The following TXNDC5 variants were observed in gnomAD, a reference collection of about 807,000 sequenced individuals.
TXNDC5 encodes the protein thioredoxin domain containing 5, also known as thioredoxin domain-containing protein 5.
In TXNDC5, 44 loss-of-function variants were observed where a neutral mutation model predicts 52.6. The observed-to-expected ratio is 0.84, with a 90% confidence interval of 0.66 to 1.08. TXNDC5 has a LOEUF of 1.08. Among genes scored for constraint, TXNDC5 ranks in the 50% least tolerant of loss-of-function variants. The pLI, the probability that TXNDC5 is intolerant of heterozygous loss-of-function variation, is 0.00. For missense variants in TXNDC5, 600 were observed against 565.5 expected, an observed-to-expected ratio of 1.06 and a Z score of -0.62; for synonymous variants, 241 against 234.4, an observed-to-expected ratio of 1.03 and a Z score of -0.26.
At chr6:7,887,032 G>A (rs1760006369) in intron 7 of TXNDC5, among the ~76,000 whole-genome samples, 1 of 152,154 alleles carries the variant, frequency 6.6e-6, no homozygotes, top group Non-Finnish European at 1.5e-5. Flanking sequence ...TAACCACCAT[G>A]ACACATACAC....
At chr6:7,898,359 T>C (rs1335428950) in intron 3 of TXNDC5, among the ~76,000 whole-genome samples, 1 of 151,988 alleles carries the variant, frequency 6.6e-6, no homozygotes, top group African/African-American at 2.4e-5. Flanking sequence ...CCCAGCCGAG[T>C]TGAGAGAGTC....
At chr6:7,895,076 C>G (rs1374922005) in intron 4 of TXNDC5, 30 bp downstream of exon 4, 4 of 1,608,406 alleles carry the variant, frequency 2.5e-6, no homozygotes, top group Non-Finnish European at 3.4e-6. Flanking sequence ...TAGTGATTCT[C>G]TGAAGCTGGC....
chr6:7,899,081 C>T (rs531181565), intron 3 of TXNDC5, among the ~76,000 whole-genome samples: 1 of 152,222 alleles, frequency 6.6e-6, no homozygotes, highest in East Asian at 1.9e-4. Flanking sequence ...TGGGAGGAGG[C>T]TCCAGTGCTG....
At chr6:7,910,085 G>A (rs937262029) in intron 1 of TXNDC5, 2 of 985,964 alleles carry the variant, frequency 2.0e-6, no homozygotes, top group African/African-American at 1.7e-5. Context: ...ATTCAGGAGC[G>A]CGGCGCAGGG....
chr6:7,883,119 G>C lies in TXNDC5; in HGVS notation c.*25C>G. 6.2e-7 allele frequency: 1 copy of C among 1,613,988 alleles called. No homozygotes were observed. The highest frequency in any genetic ancestry group is 8.5e-7 in the Non-Finnish European group (1 of 1,179,978). On this transcript the variant is annotated 3_prime_UTR_variant, in exon 10 of 10. Coordinates refer to ENST00000379757, the MANE Select transcript of TXNDC5 (RefSeq NM_030810.5). ...AAACGCAGGGTGCGGGAGCTGGGCAGGAGAGGTGACCTCCAACTGTGTTCC... is the reference window on the plus strand; with the variant it reads ...AAACGCAGGGTGCGGGAGCTGGGCACGAGAGGTGACCTCCAACTGTGTTCC...
intron 5 of TXNDC5, among the ~76,000 whole-genome samples, chr6:7,890,357 G>C (rs1043951982): frequency 7.2e-5 from 11 of 152,162 alleles, no homozygotes; most frequent in African/African-American, 2.4e-4. Context: ...CTAAGGTGCG[G>C]AACTGAAGTA....
chr6:7,902,847 A>AATTTGTGACTTTTTAC (rs955705751), intron 2 of TXNDC5, among the ~76,000 whole-genome samples: 1 of 152,024 alleles, frequency 6.6e-6, no homozygotes, highest in East Asian at 1.9e-4. Flanking sequence ...GGCCTTTTTA[A>AATTTGTGACTTTTTAC]ATTTGTGACT....
rs1465689703 is a variant in TXNDC5, at chr6:7,886,035, C to G, written c.972G>C (p.Val324=). ...AAEPEADKGT[V]LALTENNFDD... The stretch of plus-strand genomic sequence containing the variant: ...CGAAGTTATTTTCAGTGAGTGCCAA[C>G]ACAGTGCCCTTCAAGGGAGGAAAAA... The change falls in exon 8 of 10, where the codon GTG becomes GTC. Residue 324 remains valine, a synonymous_variant. Transcript: ENST00000379757. 6.2e-7 allele frequency: 1 copy of G among 1,614,086 alleles called. No individual in the cohort carries two copies. The highest frequency in any genetic ancestry group is 1.7e-5 in the Admixed American group (1 of 60,010).
intron 2 of TXNDC5, chr6:7,899,941 G>A: frequency 3.2e-6 from 1 of 313,994 alleles, no homozygotes; most frequent in Non-Finnish European, 5.9e-6. Flanking sequence ...TGCTGTGACT[G>A]AGGCCTCAAA....
chr6:7,905,411 G>C (rs1474929350), intron 1 of TXNDC5, among the ~76,000 whole-genome samples: 3 of 151,918 alleles, frequency 2.0e-5, no homozygotes, highest in African/African-American at 7.2e-5. Context: ...CCAATGAGAA[G>C]GGGAAAAAAA....
rs762453292 is a variant in TXNDC5 at position 7,888,707 on chromosome 6, T to C, written c.961A>G (p.Lys321Glu). ...PVLAAEPEAD[K>E]GTVLALTENN... is the part of the protein sequence containing the mutation. The stretch of plus-strand genomic sequence containing the variant: ...TCCCGACTCCAGCAGGCACCCACCT[T>C]GTCAGCCTCGGGCTCAGCTGCCAGC... The change falls in exon 7 of 10, where the codon AAG becomes GAG. Residue 321 changes from lysine to glutamate, a missense_variant and splice_region_variant. By Grantham distance (56) the Lys-to-Glu change is moderately conservative. Coordinates refer to ENST00000379757, the MANE Select transcript of TXNDC5 (RefSeq NM_030810.5). 1 of 1,609,586 alleles carries C rather than the reference T, an allele frequency of 6.2e-7. No homozygotes were observed. Among genetic ancestry groups the C allele is most frequent in the Non-Finnish European group, 8.5e-7 (1 of 1,178,640 alleles).
chr6:7,910,530 TGAC>T lies in TXNDC5; in HGVS notation c.244_246del (p.Val82del). ...CGGCGTTACCAGGGCGCGAAGAACA[TGAC>T]GAAGTGCGCGGCGCTCTGGATCCCG... On this transcript the variant is annotated inframe_deletion, in exon 1 of 10. Coordinates refer to ENST00000379757, the MANE Select transcript of TXNDC5 (RefSeq NM_030810.5). The T allele has an allele frequency of 6.9e-7, 1 of 1,451,128 alleles. No homozygotes were observed. The highest frequency in any genetic ancestry group is 9.2e-7 in the Non-Finnish European group (1 of 1,091,682). 89.9% of individuals were successfully genotyped at this position (1,451,128 alleles called of 1,614,324 possible). A position where few individuals can be genotyped will look rare whatever the true frequency, so the allele number is the denominator to read the frequency against.
chr6:7,902,188 G>C (rs1760591743), intron 2 of TXNDC5, among the ~76,000 whole-genome samples: 2 of 152,152 alleles, frequency 1.3e-5, no homozygotes, highest in South Asian at 4.1e-4. Context: ...GACCCTGCTG[G>C]CTCCTTGATT....
At chr6:7,892,866 T>C (rs1055801630) in intron 4 of TXNDC5, among the ~76,000 whole-genome samples, 1 of 152,216 alleles carries the variant, frequency 6.6e-6, no homozygotes, top group African/African-American at 2.4e-5. Context: ...AACGGACTAA[T>C]ACAAGTGGTT....
intron 8 of TXNDC5, 28 bp downstream of exon 8, chr6:7,885,933 A>C (rs753502854): frequency 4.3e-6 from 7 of 1,610,046 alleles, no homozygotes; most frequent in Non-Finnish European, 5.9e-6. Context: ...ACATGGACAA[A>C]GTAGTTTCTA....
intron 7 of TXNDC5, 67 bp downstream of exon 7, chr6:7,888,638 G>T: frequency 6.5e-7 from 1 of 1,545,680 alleles, no homozygotes; most frequent in Non-Finnish European, 8.7e-7. Flanking sequence ...GGCCTCTGAG[G>T]GTGGGGAGGT....
At position 7,884,582 on chromosome 6, in the gene TXNDC5, G is replaced by A. The variant is rs1759894525; in HGVS notation, c.1047-94C>T. ...AAGACAAGCTCTGTTTCTTCTGTAT[G>A]GGACAGTCAACAATTGCCTAGAAAT... On this transcript the variant is annotated intron_variant, in intron 8 of 9. Transcript: ENST00000379757. 3.2e-6 allele frequency: 5 copies of A among 1,548,880 alleles called. No homozygotes were observed. In the African/African-American group the frequency reaches 4.1e-5, roughly 13 times the overall value.
rs139736017 is a variant in TXNDC5, at chr6:7,883,179, G to T, written c.1264C>A (p.Arg422Ser). 1.2e-6 allele frequency: 2 copies of T among 1,614,130 alleles called. No individual in the cohort carries two copies. Among genetic ancestry groups the T allele is most frequent in the East Asian group, 2.2e-5 (1 of 44,880 alleles). ...TCTTTCGCTTGGCTCAGGACAAAGC[G>T]GTGTAACGAGTCAAGGTCTCTGCCT... ...SGGRDLDSLH[R>S]FVLSQAKDEL is the part of the protein sequence containing the mutation. The change falls in exon 10 of 10, where the codon CGC becomes AGC. Residue 422 changes from arginine (R) to serine (S), a missense_variant. Coordinates refer to ENST00000379757, the MANE Select transcript of TXNDC5 (RefSeq NM_030810.5).
intron 7 of TXNDC5, among the ~76,000 whole-genome samples, chr6:7,887,131 T>A (rs1350795806): frequency 6.6e-6 from 1 of 152,040 alleles, no homozygotes; most frequent in Non-Finnish European, 1.5e-5. Context: ...ACTCAGGCCA[T>A]CCCCGACCTA....
Sources: allele counts gnomAD v4.1 joint callset (sites outside exome capture counted in the v4.1 genomes callset), GRCh38; gene constraint gnomAD v4.1.1; transcripts MANE v1.5; gene names NCBI Gene and HGNC (gene_info 2026-07-23, HGNC 2026-07-21).